LYST: variants seen among roughly 807,000 people sequenced by gnomAD.
LYST encodes the protein lysosomal-trafficking regulator.
LYST carries 192 observed loss-of-function variants against 413.6 expected under a neutral mutation model. That is an observed-to-expected ratio of 0.46 (90% CI 0.41 to 0.52). The LOEUF is 0.52. Ranked by LOEUF, LYST falls within the 20% of genes least tolerant of loss-of-function variation. LYST has a pLI of 0.00. For synonymous variants in LYST, 1,525 were observed against 1,567.3 expected (o/e 0.97, Z 0.64); for missense variants, 3,815 against 4,499.9 (o/e 0.85, Z 4.35).
intron 28 of LYST, among the ~76,000 whole-genome samples, chr1:235,750,845 G>C (rs141870442): frequency 6.6e-6 from 1 of 152,206 alleles, no homozygotes; most frequent in African/African-American, 2.4e-5. Context: ...CATGATTGCT[G>C]GACACCTTTC....
chr1:235,666,627 CACACACACAT>C (rs1420354144), intron 50 of LYST, among the ~76,000 whole-genome samples: 11 of 151,558 alleles, frequency 7.3e-5, no homozygotes, highest in African/African-American at 2.7e-4. Flanking sequence ...CACACACACA[CACACACACAT>C]GCCCAATGTT....
In LYST at chr1:235,759,071, C is replaced by T. The variant is rs147791378; in HGVS notation, c.6782G>A (p.Arg2261His). The T allele has an allele frequency of 3.6e-4, 586 of 1,614,092 alleles. 5 individuals carry two copies. In the Admixed American group the frequency reaches 6.6e-3, roughly 18 times the overall value. Residue 2261 changes from arginine (R) to histidine (H), a missense_variant, in exon 23 of 53, where the codon CGT (arginine) becomes CAT (histidine). Transcript: ENST00000389793. ...PSQNGSAAVG[R>H]WPSLVDRNTD... is the part of the protein sequence containing the mutation. ...GTTTCTATCAACAAGACTTGGCCAA[C>T]GGCCAACAGCTGCAGATCCGTTCTG...
At chr1:235,762,414 G>C (rs557362953) in intron 22 of LYST, among the ~76,000 whole-genome samples, 1 of 152,286 alleles carries the variant, frequency 6.6e-6, no homozygotes, top group African/African-American at 2.4e-5. Flanking sequence ...AAGTTGTCCA[G>C]AATGATGGTT....
chr1:235,665,281 A>T (rs1171321140), intron 50 of LYST, among the ~76,000 whole-genome samples: 1 of 152,152 alleles, frequency 6.6e-6, no homozygotes, highest in Admixed American at 6.6e-5. Flanking sequence ...AACAGTCTCC[A>T]AAAAGTGAAG....
Position 235,720,672 on chromosome 1 carries a change from C to G in LYST, c.9549G>C (p.Leu3183=). The G allele has an allele frequency of 6.2e-7, 1 of 1,613,622 alleles. No homozygotes were observed. The highest frequency in any genetic ancestry group is 8.5e-7 in the Non-Finnish European group (1 of 1,179,612). ...YVSETLDLND[L]LIYRNLSKPI... ...TTCTTTTAACTTACCTGTATATCAA[C>G]AGATCATTGAGGTCAAGTGTCTCAC... Residue 3183 remains leucine, a synonymous_variant, in exon 40 of 53, where the codon CTG becomes CTC. Transcript: ENST00000389793.
At chr1:235,799,373 G>C (rs942535106) in intron 10 of LYST, among the ~76,000 whole-genome samples, 15 of 151,918 alleles carry the variant, frequency 9.9e-5, no homozygotes, top group Non-Finnish European at 1.9e-4. Context: ...AATTATAAAG[G>C]GAAAATAGTA....
intron 10 of LYST, among the ~76,000 whole-genome samples, chr1:235,794,151 T>C (rs916367900): frequency 2.0e-5 from 3 of 152,198 alleles, no homozygotes; most frequent in African/African-American, 4.8e-5. Context: ...CTCACTTTTC[T>C]TGAAGATTAA....
chr1:235,743,482 G>A (rs560385976), intron 30 of LYST, among the ~76,000 whole-genome samples: 5 of 152,168 alleles, frequency 3.3e-5, no homozygotes, highest in East Asian at 1.9e-4. Context: ...GATTTGTTCC[G>A]TTGTGTCAAC....
At chr1:235,772,302 T>C (rs915056586) in intron 19 of LYST, among the ~76,000 whole-genome samples, 1 of 152,116 alleles carries the variant, frequency 6.6e-6, no homozygotes, top group African/African-American at 2.4e-5. Context: ...TGTTGGCAAG[T>C]TGGGAATAAC....
chr1:235,795,500 A>G lies in LYST; in HGVS notation c.4007-1888T>C, dbSNP rs918028672. 7.9e-5 allele frequency among the ~76,000 whole-genome samples: 12 copies of G among 152,318 alleles called. No individual in the cohort carries two copies. In the South Asian group the frequency reaches 1.7e-3, roughly 21 times the overall value. On this transcript the variant is annotated intron_variant, in intron 10 of 52. Coordinates refer to ENST00000389793, the MANE Select transcript of LYST (RefSeq NM_000081.4). ...CCTTTTTTCTCAGTGCAAAGACACT[A>G]TACGCCAGCCAAGCCCTATATGTGA...
At chr1:235,699,915 G>A (rs1317684487) in intron 45 of LYST, among the ~76,000 whole-genome samples, 1 of 152,110 alleles carries the variant, frequency 6.6e-6, no homozygotes, top group Non-Finnish European at 1.5e-5. Context: ...ATAGAACAGA[G>A]ACTTAAGAAA....
rs1480435509 is a variant in LYST, at chr1:235,697,060, ATCT to A, written c.10564+20_10564+22del. The stretch of plus-strand genomic sequence containing the variant: ...TCTCACGAAAGATATATCCAGAATG[ATCT>A]TCGTTACATTTTATTTTACCTTGTT... On this transcript the variant is annotated intron_variant, in intron 46 of 52. Coordinates refer to ENST00000389793, the MANE Select transcript of LYST (RefSeq NM_000081.4). The A allele has an allele frequency of 6.2e-7, 1 of 1,603,126 alleles. No individual in the cohort carries two copies. Among genetic ancestry groups the A allele is most frequent in the South Asian group, 1.1e-5 (1 of 90,836 alleles).
chr1:235,791,449 G>A (rs1670978185), intron 12 of LYST: 2 of 454,814 alleles, frequency 4.4e-6, no homozygotes, highest in Non-Finnish European at 8.1e-6. Context: ...AGGGGCTGAT[G>A]ACCCCAGAAA....
intron 38 of LYST, among the ~76,000 whole-genome samples, chr1:235,726,575 TAAG>T (rs144353932): frequency 6.6e-6 from 1 of 152,218 alleles, no homozygotes; most frequent in East Asian, 1.9e-4. Flanking sequence ...AAATGTTATA[TAAG>T]AAGAACCAAC....
intron 39 of LYST, among the ~76,000 whole-genome samples, chr1:235,722,839 C>T (rs762109784): frequency 1.3e-5 from 2 of 152,186 alleles, no homozygotes; most frequent in Non-Finnish European, 2.9e-5. Context: ...GAATTTAACA[C>T]AATTTTGGAG....
At chr1:235,737,581 T>C (rs2103238844) in intron 31 of LYST, 1 of 152,368 alleles carries the variant, frequency 6.6e-6, no homozygotes, top group South Asian at 2.1e-4. Context: ...CCTGGGACAT[T>C]CTTCTGTGCC....
intron 37 of LYST, 83 bp downstream of exon 37, chr1:235,729,513 T>C: frequency 5.5e-6 from 5 of 917,074 alleles, no homozygotes; most frequent in Non-Finnish European, 9.0e-6. Flanking sequence ...TTTAATGGCA[T>C]GCTGTCAAAA....
At position 235,664,038 on chromosome 1, in the gene LYST, T is replaced by A. The variant is rs770896926; in HGVS notation, c.11213A>T (p.Asp3738Val). Reference protein sequence around the residue: ...NGIVRLWSTWDLKPVREITFP... With the variant: ...NGIVRLWSTWVLKPVREITFP... ...TGTAATTTCTCTCACAGGCTTTAAG[T>A]CCCATGTGCTCCATAACCTAGAGGG... Residue 3738 changes from aspartate (D) to valine (V), a missense_variant, in exon 52 of 53, where the codon GAC (aspartate) becomes GTC (valine). Transcript: ENST00000389793. This position sits in a 1 kb window ranked among gnomAD's most constrained non-coding sequence, Gnocchi z 4.5. 2 of 1,613,050 alleles carry A rather than the reference T, an allele frequency of 1.2e-6. No individual in the cohort carries two copies.
chr1:235,698,832 C>CA (rs1661318126), intron 45 of LYST, among the ~76,000 whole-genome samples: 1 of 151,942 alleles, frequency 6.6e-6, no homozygotes, highest in Admixed American at 6.5e-5. Context: ...GAGATCACGC[C>CA]ACTGCACTTC....
Sources: allele counts gnomAD v4.1 joint callset (sites outside exome capture counted in the v4.1 genomes callset), GRCh38; gene constraint gnomAD v4.1.1; non-coding constraint Gnocchi (gnomAD v3.1); transcripts MANE v1.5; gene names NCBI Gene and HGNC (gene_info 2026-07-23, HGNC 2026-07-21).